RBPMS2: variants seen among roughly 807,000 people sequenced by gnomAD.
The protein encoded by RBPMS2 is RNA binding protein, mRNA processing factor 2.
A neutral mutation model predicts 25.7 loss-of-function variants in RBPMS2; 14 were observed. The observed-to-expected ratio is 0.55, with a 90% CI of 0.36 to 0.85. RBPMS2 has a LOEUF of 0.85. Among genes scored for constraint, RBPMS2 ranks in the 40% least tolerant of loss-of-function variants. The pLI, the probability that RBPMS2 is intolerant of heterozygous loss-of-function variation, is 0.01. For missense variants in RBPMS2, 252 were observed against 283.4 expected (o/e 0.89, Z 0.80); for synonymous variants, 127 against 115.6 (o/e 1.10, Z -0.63).
intron 1 of RBPMS2, among the ~76,000 whole-genome samples, chr15:64,766,764 C>T (rs979069645): frequency 1.3e-5 from 2 of 152,048 alleles, no homozygotes; most frequent in Non-Finnish European, 2.9e-5. Context: ...CTCCTAACCT[C>T]GTGATCCACC....
At chr15:64,763,569 G>A (rs2083812696) in intron 1 of RBPMS2, among the ~76,000 whole-genome samples, 1 of 152,152 alleles carries the variant, frequency 6.6e-6, no homozygotes, top group Admixed American at 6.5e-5. Flanking sequence ...CCCCATCCTG[G>A]GCTGCACCTT....
chr15:64,746,341 G>A (rs1223678187), intron 6 of RBPMS2, among the ~76,000 whole-genome samples: 1 of 152,202 alleles, frequency 6.6e-6, no homozygotes, highest in East Asian at 1.9e-4. Context: ...CAGCCTCAGA[G>A]AGGACCCAAG....
At chr15:64,756,974 T>C (rs1345223289) in intron 1 of RBPMS2, among the ~76,000 whole-genome samples, 3 of 148,564 alleles carry the variant, frequency 2.0e-5, no homozygotes, top group Non-Finnish European at 4.5e-5. Context: ...GGCCTCATTT[T>C]TTTTTTTTTT....
At chr15:64,744,798 GTTTTTTTTTTTTTTTTTTTTTT>G (rs748967917) in intron 6 of RBPMS2, among the ~76,000 whole-genome samples, 1 of 46,292 alleles carries the variant, frequency 2.2e-5, no homozygotes, top group Non-Finnish European at 3.9e-5. Flanking sequence ...GGTTTGTTTT[GTTTTTTTTTTTTTTTTTTTTTT>G]TTTTTTTTTT....
intron 3 of RBPMS2, 131 bp downstream of exon 3, chr15:64,750,212 A>G (rs1241650163): frequency 1.2e-6 from 1 of 837,470 alleles, no homozygotes; most frequent in East Asian, 2.4e-5. Context: ...GCTCTGTCAG[A>G]AACAGGACAA....
chr15:64,754,497 A>G (rs2083713471), intron 1 of RBPMS2, among the ~76,000 whole-genome samples: 1 of 151,916 alleles, frequency 6.6e-6, no homozygotes, highest in Non-Finnish European at 1.5e-5. Flanking sequence ...CTATAATCCC[A>G]GCTACAAGGG....
intron 1 of RBPMS2, among the ~76,000 whole-genome samples, chr15:64,765,183 C>T (rs1339930789): frequency 2.3e-5 from 3 of 128,284 alleles, no homozygotes; most frequent in Non-Finnish European, 4.7e-5. Flanking sequence ...GCCGAGATTG[C>T]GCCACTGCAC....
chr15:64,751,788 A>G, intron 1 of RBPMS2, 150 bp from the exon 2 acceptor site: 1 of 605,944 alleles, frequency 1.7e-6, no homozygotes, highest in Middle Eastern at 4.3e-4. Flanking sequence ...AGGCAAATTA[A>G]CATTGTTTCA....
Position 64,763,763 on chromosome 15 carries a change from C to A in RBPMS2, c.87+11470G>T, listed in dbSNP as rs562370753. On this transcript the variant is annotated intron_variant, in intron 1 of 7. Coordinates refer to ENST00000300069, the MANE Select transcript of RBPMS2 (RefSeq NM_194272.3). Reference sequence around the variant, plus strand: ...GTTGCCTGAAAAGTTTGGGGCTCTTCCTCATAATGTGCAATGTGTCCTAGA... The same window carrying A: ...GTTGCCTGAAAAGTTTGGGGCTCTTACTCATAATGTGCAATGTGTCCTAGA... Among the ~76,000 whole-genome samples the A allele has an allele frequency of 6.2e-5, 9 of 144,312 alleles. No individual in the cohort carries two copies. The South Asian group carries it at 1.9e-3, about 31-fold the overall frequency. The allele number at this position is 144,312 out of a possible 152,430, so 94.7% of individuals were successfully genotyped here. A position where few individuals can be genotyped will look rare whatever the true frequency, so the allele number is the denominator to read the frequency against.
In RBPMS2 at chr15:64,756,639, TTTTCA is replaced by T. The variant is rs2083733415; in HGVS notation, c.88-5006_88-5002del. Among the ~76,000 whole-genome samples the T allele has an allele frequency of 2.6e-5, 4 of 151,384 alleles. 1 individual carries two copies. The highest frequency in any genetic ancestry group is 5.9e-5 in the Non-Finnish European group (4 of 67,902). On this transcript the variant is annotated intron_variant, in intron 1 of 7. Coordinates refer to ENST00000300069, the MANE Select transcript of RBPMS2 (RefSeq NM_194272.3). ...ATCTCAGTTTCTTATTTTTATTTAT[TTTTCA>T]TTTCTTTTTTTTTTTTTTATGGAGT...
intron 1 of RBPMS2, among the ~76,000 whole-genome samples, chr15:64,766,048 C>G (rs1040294818): frequency 6.6e-6 from 1 of 152,078 alleles, no homozygotes; most frequent in African/African-American, 2.4e-5. Context: ...CTCCCTGCCC[C>G]TACCTGCACT....
intron 1 of RBPMS2, among the ~76,000 whole-genome samples, chr15:64,768,726 G>A (rs1296102015): frequency 6.6e-6 from 1 of 151,642 alleles, no homozygotes; most frequent in Non-Finnish European, 1.5e-5. Flanking sequence ...GAGCCCAGGA[G>A]ATCGAGGCTG....
intron 1 of RBPMS2, among the ~76,000 whole-genome samples, chr15:64,772,205 C>A (rs2083897351): frequency 6.6e-6 from 1 of 152,186 alleles, no homozygotes; most frequent in African/African-American, 2.4e-5. Context: ...ATCACATTTA[C>A]CCCTCTTCAG....
intron 1 of RBPMS2, among the ~76,000 whole-genome samples, chr15:64,765,680 T>G (rs2083839830): frequency 6.6e-6 from 1 of 152,120 alleles, no homozygotes; most frequent in Non-Finnish European, 1.5e-5. Context: ...GCACGGTGGC[T>G]CACACCTGTA....
chr15:64,755,295 A>G (rs1268094618), intron 1 of RBPMS2, among the ~76,000 whole-genome samples: 3 of 151,856 alleles, frequency 2.0e-5, no homozygotes, highest in African/African-American at 7.3e-5. Flanking sequence ...GTCCCTGGCC[A>G]CCTCTCAGGT....
chr15:64,741,221 C>T lies in RBPMS2; in HGVS notation c.589G>A (p.Asp197Asn). The T allele has an allele frequency of 6.3e-7, 1 of 1,592,498 alleles. No homozygotes were observed. Among genetic ancestry groups the T allele is most frequent in the Admixed American group, 1.8e-5 (1 of 56,706 alleles). ...HAQVRWYPSS[D>N]TTQQGWKYRQ... The stretch of plus-strand genomic sequence containing the variant: ...TACTTCCATCCTTGCTGGGTGGTGT[C>T]AGAGGAAGGGTACCAGCGCACCTGC... The change falls in exon 7 of 8, where the codon GAC becomes AAC. Residue 197 changes from aspartate to asparagine, a missense_variant. Transcript: ENST00000300069.
chr15:64,757,120 G>T lies in RBPMS2; in HGVS notation c.88-5482C>A, dbSNP rs148334748. Among the ~76,000 whole-genome samples the T allele has an allele frequency of 1.2e-3, 176 of 151,996 alleles. 1 individual carries two copies. The highest frequency in any genetic ancestry group is 4.0e-3 in the African/African-American group (167 of 41,480). On this transcript the variant is annotated intron_variant, in intron 1 of 7. Coordinates refer to ENST00000300069, the MANE Select transcript of RBPMS2 (RefSeq NM_194272.3). ...CCAGAGTATCTGGGACTATAGGTGT[G>T]CACCACAATGCCTGGCTAGCTTTTC...
At chr15:64,770,807 A>C (rs2083887653) in intron 1 of RBPMS2, among the ~76,000 whole-genome samples, 1 of 149,218 alleles carries the variant, frequency 6.7e-6, no homozygotes, top group South Asian at 2.1e-4. Flanking sequence ...TTCCATCCAC[A>C]CAAGTCTAAG....
intron 1 of RBPMS2, among the ~76,000 whole-genome samples, chr15:64,755,267 C>T (rs2083723011): frequency 6.6e-6 from 1 of 152,116 alleles, no homozygotes; most frequent in African/African-American, 2.4e-5. Flanking sequence ...CAAAAGGCTA[C>T]CCCACAGCTC....
Sources: gnomAD v4.1 joint callset for allele counts (sites outside exome capture counted in the v4.1 genomes callset) on GRCh38, gnomAD v4.1.1 for gene constraint, MANE v1.5 for transcripts, NCBI Gene and HGNC (gene_info 2026-07-23, HGNC 2026-07-21) for gene names.